The following CDKN2AIPNL variants were observed in gnomAD, a reference collection of about 807,000 sequenced individuals.
CDKN2AIPNL encodes the protein XRN2 binding domain containing 1.
Under a neutral mutation model 12.9 loss-of-function variants are expected in CDKN2AIPNL, and 9 were observed. That is an observed-to-expected ratio of 0.70 (90% CI 0.42 to 1.22). CDKN2AIPNL has a LOEUF of 1.22. Ranked by LOEUF, CDKN2AIPNL falls within the 50% of genes most tolerant of loss-of-function variation. The pLI, the probability that CDKN2AIPNL is intolerant of heterozygous loss-of-function variation, is 0.00. For synonymous variants in CDKN2AIPNL, 53 were observed against 61.7 expected (o/e 0.86, Z 0.66); for missense variants, 143 against 153.6 (o/e 0.93, Z 0.37).
In CDKN2AIPNL at chr5:134,411,736, C is replaced by A. The variant is rs1278436849; in HGVS notation, c.119G>T (p.Arg40Leu). 2.5e-6 allele frequency: 4 copies of A among 1,613,030 alleles called. No individual in the cohort carries two copies. Among genetic ancestry groups the A allele is most frequent in the Non-Finnish European group, 2.5e-6 (3 of 1,179,804 alleles). The change falls in exon 1 of 3, where the codon CGC becomes CTC. Residue 40 changes from arginine (R) to leucine (L), a missense_variant. Around this residue, in one of 3 missense-constraint regions of CDKN2AIPNL, gnomAD observed 111 missense variants for 111.4 expected, o/e 1.00. Coordinates refer to ENST00000458198, the MANE Select transcript of CDKN2AIPNL (RefSeq NM_080656.3). ...YSESEKQWKA[R>L]MEFILRHLPD... ...CAGGTGGCGCAGGATGAATTCCATG[C>A]GGGCCTTCCATTGCTTCTCGCTCTC... is the stretch of plus-strand genomic sequence containing the variant.
chr5:134,410,017 G>A lies in CDKN2AIPNL; in HGVS notation c.240-15C>T. The A allele has an allele frequency of 6.4e-7, 1 of 1,556,508 alleles. No individual in the cohort carries two copies. The highest frequency in any genetic ancestry group is 8.8e-7 in the Non-Finnish European group (1 of 1,133,058). On this transcript the variant is annotated splice_polypyrimidine_tract_variant and intron_variant, in intron 1 of 2. Coordinates refer to ENST00000458198, the MANE Select transcript of CDKN2AIPNL (RefSeq NM_080656.3). Reference sequence around the variant, plus strand: ...CTTTATTGTAACTGCACAATAAAAAGTAGTAAGGTAAAAACCTTGGAACAA... The same window carrying A: ...CTTTATTGTAACTGCACAATAAAAAATAGTAAGGTAAAAACCTTGGAACAA...
chr5:134,411,005 T>G (rs1197135250), intron 1 of CDKN2AIPNL: 1 of 701,820 alleles, frequency 1.4e-6, no homozygotes, highest in Non-Finnish European at 2.6e-6. Flanking sequence ...CTTTGAGACC[T>G]TCACAAAAAG....
At chr5:134,411,013 A>T in intron 1 of CDKN2AIPNL, 1 of 702,152 alleles carries the variant, frequency 1.4e-6, no homozygotes, top group Non-Finnish European at 2.6e-6. Context: ...CCTTCACAAA[A>T]AGGCATCGGC....
At chr5:134,403,043 T>C (rs1474213852) in intron 2 of CDKN2AIPNL, 117 bp from the exon 3 acceptor site, 4 of 726,356 alleles carry the variant, frequency 5.5e-6, no homozygotes, top group African/African-American at 1.8e-5. Context: ...AGACAGTAAG[T>C]ATACTCAGAA....
At chr5:134,411,033 A>G (rs1056763995) in intron 1 of CDKN2AIPNL, 11 of 702,478 alleles carry the variant, frequency 1.6e-5, no homozygotes, top group Non-Finnish European at 5.2e-6. Flanking sequence ...CCATTTTCAT[A>G]AGAGGGAAAG....
At chr5:134,408,899 T>C (rs1759148204) in intron 2 of CDKN2AIPNL, among the ~76,000 whole-genome samples, 1 of 152,158 alleles carries the variant, frequency 6.6e-6, no homozygotes, top group East Asian at 1.9e-4. Flanking sequence ...GGTGTACTAT[T>C]TGGGACTGAA....
At chr5:134,403,348 T>C (rs1382463178) in intron 2 of CDKN2AIPNL, among the ~76,000 whole-genome samples, 14 of 152,254 alleles carry the variant, frequency 9.2e-5, no homozygotes, top group Non-Finnish European at 1.9e-4. Context: ...GGTTATATAT[T>C]TCTGGATTTC....
Position 134,407,124 on chromosome 5 carries a change from C to T in CDKN2AIPNL, c.339+2779G>A, listed in dbSNP as rs551773591. Among the ~76,000 whole-genome samples, 19 of 152,246 alleles carry T rather than the reference C, an allele frequency of 1.2e-4. No individual in the cohort carries two copies. The South Asian group carries it at 2.3e-3, about 18-fold the overall frequency. ...GGCACTGGTTTCAAGAAGATAATTT[C>T]ATGCCTGAGGACTCTTCTCTGTAGA... On this transcript the variant is annotated intron_variant, in intron 2 of 2. Coordinates refer to ENST00000458198, the MANE Select transcript of CDKN2AIPNL (RefSeq NM_080656.3).
At chr5:134,403,034 G>T in intron 2 of CDKN2AIPNL, 108 bp from the exon 3 acceptor site, 2 of 838,870 alleles carry the variant, frequency 2.4e-6, no homozygotes, top group Non-Finnish European at 3.7e-6. Flanking sequence ...GTACTATCCA[G>T]ACAGTAAGTA....
chr5:134,408,353 T>G (rs1759137369), intron 2 of CDKN2AIPNL, among the ~76,000 whole-genome samples: 1 of 151,818 alleles, frequency 6.6e-6, no homozygotes, highest in Non-Finnish European at 1.5e-5. Flanking sequence ...GCTCCCTGGC[T>G]AAAAACAGTA....
At chr5:134,408,513 C>CAAAAAAAAAAAA (rs59056879) in intron 2 of CDKN2AIPNL, among the ~76,000 whole-genome samples, 5 of 112,694 alleles carry the variant, frequency 4.4e-5, no homozygotes, top group East Asian at 2.6e-4. Flanking sequence ...ACTAAAAATA[C>CAAAAAAAAAAAA]AAAAAAAAAA....
chr5:134,410,701 C>T (rs1759178565), intron 1 of CDKN2AIPNL: 1 of 262,004 alleles, frequency 3.8e-6, no homozygotes, highest in Non-Finnish European at 7.2e-6. Context: ...ACGGGTGCCT[C>T]TGGCATTGCT....
chr5:134,408,956 A>G (rs914793490), intron 2 of CDKN2AIPNL, among the ~76,000 whole-genome samples: 8 of 152,172 alleles, frequency 5.3e-5, no homozygotes, highest in South Asian at 2.1e-4. Context: ...TGACACCCAT[A>G]TGGAAGAGGA....
intron 2 of CDKN2AIPNL, among the ~76,000 whole-genome samples, chr5:134,408,509 A>AAT (rs1374181177): frequency 3.7e-5 from 3 of 81,234 alleles, no homozygotes; most frequent in African/African-American, 1.3e-4. Flanking sequence ...CTCTACTAAA[A>AAT]ATACAAAAAA....
chr5:134,403,275 AAGC>A (rs1191973018), intron 2 of CDKN2AIPNL, among the ~76,000 whole-genome samples: 3 of 152,230 alleles, frequency 2.0e-5, no homozygotes, highest in African/African-American at 2.4e-5. Context: ...TCTAAATTAA[AAGC>A]AGTCAGTTCA....
At chr5:134,411,135 T>G (rs1759184643) in intron 1 of CDKN2AIPNL, 1 of 702,144 alleles carries the variant, frequency 1.4e-6, no homozygotes, top group Non-Finnish European at 2.6e-6. Flanking sequence ...CTCTCATTAG[T>G]GATTAAAATC....
At chr5:134,411,095 G>A (rs1014498172) in intron 1 of CDKN2AIPNL, 3 of 702,548 alleles carry the variant, frequency 4.3e-6, no homozygotes, top group Non-Finnish European at 7.8e-6. Context: ...GTGGAGTGAG[G>A]AGAAAAAGCC....
At chr5:134,411,243 C>A (rs1759186286) in intron 1 of CDKN2AIPNL, among the ~76,000 whole-genome samples, 1 of 152,288 alleles carries the variant, frequency 6.6e-6, no homozygotes, top group East Asian at 1.9e-4. Flanking sequence ...TCTCTCTGCA[C>A]GTTTGCCATG....
rs1254453291 is a variant in CDKN2AIPNL at position 134,409,528 on chromosome 5, C to T, written c.339+375G>A. On this transcript the variant is annotated intron_variant, in intron 2 of 2. Transcript: ENST00000458198. The stretch of plus-strand genomic sequence containing the variant: ...ATCACAGAAGCCAAACAAGTCAGGT[C>T]GGCACTCACACCGGCACTCACACCT... Among the ~76,000 whole-genome samples the T allele has an allele frequency of 2.0e-5, 3 of 152,058 alleles. No individual in the cohort carries two copies. The East Asian group carries it at 5.8e-4, about 29-fold the overall frequency.
Sources: gnomAD v4.1 joint callset for allele counts (sites outside exome capture counted in the v4.1 genomes callset) on GRCh38, gnomAD v4.1.1 for gene constraint, gnomAD v4.1.1 regional missense constraint, MANE v1.5 for transcripts, NCBI Gene and HGNC (gene_info 2026-07-23, HGNC 2026-07-21) for gene names.